Variants in ACACA observed in about 807,000 individuals in gnomAD.
ACACA encodes the protein acetyl-CoA carboxylase 1.
A neutral mutation model predicts 296.1 loss-of-function variants in ACACA; 103 were observed. That is an observed-to-expected ratio of 0.35 (90% CI 0.30 to 0.41). The LOEUF (loss-of-function observed/expected upper bound fraction) is 0.41, where lower values mean the gene tolerates loss of function less well. Ranked by LOEUF, ACACA falls within the 10% of genes least tolerant of loss-of-function variation. The pLI, the probability that ACACA is intolerant of heterozygous loss-of-function variation, is 1.00. For synonymous variants in ACACA, 953 were observed against 1,038.6 expected, an observed-to-expected ratio of 0.92 and a Z score of 1.58; for missense variants, 1,554 against 2,989.7, an observed-to-expected ratio of 0.52 and a Z score of 11.20.
chr17:37,244,551 A>C, intron 21 of ACACA, 37 bp downstream of exon 21: 1 of 1,611,398 alleles, frequency 6.2e-7, no homozygotes, highest in Non-Finnish European at 8.5e-7. Flanking sequence ...TAGGTATCCC[A>C]TTTGTACATC....
intron 52 of ACACA, among the ~76,000 whole-genome samples, chr17:37,108,282 T>C (rs574866466): frequency 5.9e-5 from 9 of 152,046 alleles, no homozygotes; most frequent in African/African-American, 2.2e-4. Context: ...AAACTAACCA[T>C]GTAAGATGAC....
chr17:37,210,109 A>G (rs896276296), intron 30 of ACACA, among the ~76,000 whole-genome samples: 2 of 152,212 alleles, frequency 1.3e-5, no homozygotes, highest in African/African-American at 4.8e-5. Flanking sequence ...TTGCCAGGAT[A>G]GGAGTAACCT....
intron 10 of ACACA, among the ~76,000 whole-genome samples, chr17:37,270,112 A>G (rs1262929884): frequency 1.3e-5 from 2 of 152,212 alleles, no homozygotes; most frequent in Non-Finnish European, 2.9e-5. Flanking sequence ...GGGTAAGGCA[A>G]AGAGAGATCC....
At chr17:37,404,246 T>A (rs575330646) in intron 1 of ACACA, among the ~76,000 whole-genome samples, 2 of 152,310 alleles carry the variant, frequency 1.3e-5, no homozygotes, top group African/African-American at 2.4e-5. Context: ...CACAGATATG[T>A]CCTAAATGAC....
At chr17:37,307,503 C>A (rs1041638004) in intron 3 of ACACA, among the ~76,000 whole-genome samples, 1 of 152,128 alleles carries the variant, frequency 6.6e-6, no homozygotes, top group Non-Finnish European at 1.5e-5. Context: ...CATATACTTA[C>A]TTGACATTTG....
In ACACA at chr17:37,243,358, A is replaced by T; in HGVS notation, c.2931+13T>A. 6.2e-7 allele frequency: 1 copy of T among 1,612,692 alleles called. No homozygotes were observed. The highest frequency in any genetic ancestry group is 1.1e-5 in the South Asian group (1 of 91,056). On this transcript the variant is annotated intron_variant, in intron 22 of 55. Coordinates refer to ENST00000616317, the MANE Select transcript of ACACA (RefSeq NM_198834.3). ...GGTAGCCAGAAAAAAATATAGTGTT[A>T]TCCTATAAATACCTGCTGGCTGGGA... is the stretch of plus-strand genomic sequence containing the variant.
intron 3 of ACACA, among the ~76,000 whole-genome samples, chr17:37,296,383 G>A (rs1287375168): frequency 7.0e-6 from 1 of 142,542 alleles, no homozygotes; most frequent in East Asian, 2.1e-4. Flanking sequence ...TCGGCTCACT[G>A]CAAGCTCTGC....
At chr17:37,205,924 T>C (rs150186878) in intron 32 of ACACA, 52 bp from the exon 33 acceptor site, 15 of 1,365,292 alleles carry the variant, frequency 1.1e-5, no homozygotes, top group Middle Eastern at 1.8e-4. Flanking sequence ...CCAATACAGA[T>C]GCAGATAGAA....
chr17:37,125,637 C>G (rs1567691034), intron 48 of ACACA, 61 bp downstream of exon 48: 10 of 1,355,458 alleles, frequency 7.4e-6, no homozygotes, highest in Non-Finnish European at 1.0e-5. Flanking sequence ...AGAGCCATGG[C>G]TCTTTCTTTC....
chr17:37,136,537 AG>A (rs2075340132), intron 45 of ACACA, among the ~76,000 whole-genome samples: 1 of 152,156 alleles, frequency 6.6e-6, no homozygotes, highest in South Asian at 2.1e-4. Flanking sequence ...TTTTAAGAAA[AG>A]CCCAACCTTT....
chr17:37,111,922 C>G (rs1356133242), intron 51 of ACACA, among the ~76,000 whole-genome samples: 2 of 152,150 alleles, frequency 1.3e-5, no homozygotes, highest in Non-Finnish European at 2.9e-5. Context: ...ATTCCACCAC[C>G]TACAGCTGAT....
At position 37,097,244 on chromosome 17, in the gene ACACA, T is replaced by C. The variant is rs1419224569; in HGVS notation, c.6721-78A>G. On this transcript the variant is annotated intron_variant, in intron 53 of 55. Transcript: ENST00000616317. This position sits in a 1 kb window ranked among gnomAD's most constrained non-coding sequence, Gnocchi z 4.8. ...CAGTCTGGAGGGAAACCCACAGGCA[T>C]AAAAACTGATTCTCCAGGCAAGCCC... The C allele has an allele frequency of 2.2e-5, 33 of 1,519,560 alleles. No individual in the cohort carries two copies. The highest frequency in any genetic ancestry group is 2.3e-5 in the East Asian group (1 of 43,134). 94.1% of individuals were successfully genotyped at this position (1,519,560 alleles called of 1,614,324 possible).
intron 3 of ACACA, chr17:37,289,408 G>GAACC: frequency 1.5e-6 from 2 of 1,326,150 alleles, no homozygotes; most frequent in Non-Finnish European, 2.0e-6. Flanking sequence ...GGCTAAGGAA[G>GAACC]TACCCACACC....
intron 3 of ACACA, among the ~76,000 whole-genome samples, chr17:37,294,805 C>T (rs971161355): frequency 4.6e-5 from 7 of 152,198 alleles, no homozygotes; most frequent in African/African-American, 1.4e-4. Flanking sequence ...ATCCCTGGGC[C>T]GTCCCCCTTT....
At chr17:37,291,641 T>G (rs1281685699) in intron 3 of ACACA, among the ~76,000 whole-genome samples, 1 of 152,144 alleles carries the variant, frequency 6.6e-6, no homozygotes, top group Non-Finnish European at 1.5e-5. Context: ...TTTAAAACAG[T>G]TTTTGGAGAA....
At chr17:37,401,952 C>G (rs573748633) in intron 1 of ACACA, among the ~76,000 whole-genome samples, 1 of 152,108 alleles carries the variant, frequency 6.6e-6, no homozygotes, top group Non-Finnish European at 1.5e-5. Flanking sequence ...AGCCAGGTTA[C>G]CAACCCTGAC....
At chr17:37,380,893 G>A (rs1597750723) in intron 1 of ACACA, among the ~76,000 whole-genome samples, 1 of 148,726 alleles carries the variant, frequency 6.7e-6, no homozygotes, top group East Asian at 1.9e-4. Context: ...ACCGTGCCTG[G>A]CCAGGTTTTT....
chr17:37,387,959 G>A (rs2050617798), intron 1 of ACACA: 1 of 152,142 alleles, frequency 6.6e-6, no homozygotes, highest in Non-Finnish European at 1.5e-5. Flanking sequence ...GAGGCCAGGA[G>A]TTCAAGCTCA....
chr17:37,221,631 TA>T, intron 29 of ACACA, 92 bp downstream of exon 29: 4 of 1,127,312 alleles, frequency 3.5e-6, no homozygotes, highest in Non-Finnish European at 4.1e-6. Flanking sequence ...CATTTCTAAC[TA>T]AAAAAACATG....
Sources: allele counts gnomAD v4.1 joint callset (sites outside exome capture counted in the v4.1 genomes callset), GRCh38; gene constraint gnomAD v4.1.1; non-coding constraint Gnocchi (gnomAD v3.1); transcripts MANE v1.5; gene names NCBI Gene and HGNC (gene_info 2026-07-23, HGNC 2026-07-21).